The following CCDC170 variants were observed in gnomAD, a reference collection of about 807,000 sequenced individuals.
CCDC170 encodes coiled-coil domain containing 170, also known as coiled-coil domain-containing protein 170.
In CCDC170, 69 loss-of-function variants were observed where a neutral mutation model predicts 72.6. That is an observed-to-expected ratio of 0.95 (90% CI 0.78 to 1.16). The LOEUF (loss-of-function observed/expected upper bound fraction) is 1.16, where lower values mean the gene tolerates loss of function less well. Among genes scored for constraint, CCDC170 ranks in the 50% most tolerant of loss-of-function variants. The probability of loss-of-function intolerance (pLI) is 0.00; values close to 1 mark genes in which losing one functional copy is unlikely to be tolerated. For synonymous variants in CCDC170, 300 were observed against 303.9 expected (o/e 0.99, Z 0.13); for missense variants, 852 against 832.5 (o/e 1.02, Z -0.29).
chr6:151,554,717 C>G (rs1471890554), intron 5 of CCDC170, among the ~76,000 whole-genome samples: 2 of 151,726 alleles, frequency 1.3e-5, no homozygotes, highest in African/African-American at 4.8e-5. Context: ...AAGCTGGACT[C>G]TGTCTCAAAA....
At chr6:151,514,357 GAGGGAGGGAGGGAGGGAGGA>G (rs1782200311) in intron 1 of CCDC170, among the ~76,000 whole-genome samples, 4 of 114,824 alleles carry the variant, frequency 3.5e-5, no homozygotes, top group Non-Finnish European at 3.4e-5. Flanking sequence ...GGGAGGGAGG[GAGGGAGGGAGGGAGGGAGGA>G]AGGAAGGAAG....
intron 9 of CCDC170, among the ~76,000 whole-genome samples, chr6:151,599,440 C>T (rs1312721830): frequency 6.6e-6 from 1 of 152,150 alleles, no homozygotes; most frequent in Non-Finnish European, 1.5e-5. Flanking sequence ...GGATGAGTGA[C>T]AGTCAATGCA....
At chr6:151,542,100 G>A (rs1048097292) in intron 3 of CCDC170, among the ~76,000 whole-genome samples, 1 of 151,690 alleles carries the variant, frequency 6.6e-6, no homozygotes, top group Non-Finnish European at 1.5e-5. Flanking sequence ...GACTGGTCTC[G>A]AGCTCCTGAC....
Position 151,618,141 on chromosome 6 carries a change from T to G in CCDC170, c.2142T>G (p.Leu714=), listed in dbSNP as rs1055726682. 6.2e-7 allele frequency: 1 copy of G among 1,613,804 alleles called. No individual in the cohort carries two copies. The highest frequency in any genetic ancestry group is 1.7e-5 in the Admixed American group (1 of 60,022). ...ERHPQGHLQL[L]H ...ACCCACAAGGCCATTTACAGCTTCT[T>G]CATTGAACACTGTATCTCTTGAGAG... The change falls in exon 11 of 11, where the codon CTT becomes CTG. Residue 714 remains leucine, a synonymous_variant. Coordinates refer to ENST00000239374, the MANE Select transcript of CCDC170 (RefSeq NM_025059.4).
intron 1 of CCDC170, among the ~76,000 whole-genome samples, chr6:151,519,877 T>C (rs992781635): frequency 6.6e-6 from 1 of 152,224 alleles, no homozygotes; most frequent in South Asian, 2.1e-4. Context: ...TAGCATATAA[T>C]GAGCAGTGAG....
chr6:151,514,543 G>A (rs1782208038), intron 1 of CCDC170, among the ~76,000 whole-genome samples: 1 of 152,176 alleles, frequency 6.6e-6, no homozygotes, highest in Non-Finnish European at 1.5e-5. Flanking sequence ...AGCGATGAAA[G>A]CTCTGTGGCA....
chr6:151,511,659 T>C (rs1164120134), intron 1 of CCDC170, among the ~76,000 whole-genome samples: 1 of 152,210 alleles, frequency 6.6e-6, no homozygotes, highest in Non-Finnish European at 1.5e-5. Context: ...CCAGGCACTG[T>C]TGCAGACACA....
At chr6:151,597,437 T>A (rs143116329) in intron 9 of CCDC170, among the ~76,000 whole-genome samples, 94 of 152,310 alleles carry the variant, frequency 6.2e-4, no homozygotes, top group African/African-American at 2.2e-3. Context: ...CAAAAAGTGG[T>A]GATGTTTTAA....
Position 151,585,951 on chromosome 6 carries a change from G to T in CCDC170, c.1155G>T (p.Gly385=), listed in dbSNP as rs1562290998. Residue 385 remains glycine (G), a synonymous_variant, in exon 7 of 11, where the codon GGG becomes GGT. Coordinates refer to ENST00000239374, the MANE Select transcript of CCDC170 (RefSeq NM_025059.4). The part of the protein sequence containing the change: ...ELVEQLGKES[G]FHQKALQRAQ... Reference sequence around the variant, plus strand: ...TTGAACAGTTGGGAAAGGAGTCTGGGTTTCACCAGAAAGCTCTCCAGAGGG... The same window carrying T: ...TTGAACAGTTGGGAAAGGAGTCTGGTTTTCACCAGAAAGCTCTCCAGAGGG... 1 of 1,613,994 alleles carries T rather than the reference G, an allele frequency of 6.2e-7. No individual in the cohort carries two copies. The highest frequency in any genetic ancestry group is 1.7e-5 in the Admixed American group (1 of 60,008).
chr6:151,599,388 A>G (rs1407663740), intron 9 of CCDC170, among the ~76,000 whole-genome samples: 2 of 152,186 alleles, frequency 1.3e-5, no homozygotes, highest in African/African-American at 4.8e-5. Context: ...TTGGTACAAC[A>G]TTGCTTCTGA....
chr6:151,523,310 A>G (rs1261760338), intron 1 of CCDC170, among the ~76,000 whole-genome samples: 1 of 152,164 alleles, frequency 6.6e-6, no homozygotes, highest in African/African-American at 2.4e-5. Context: ...TTAGTGCATC[A>G]CAGAAGCTAT....
rs149112519 is a variant in CCDC170 at position 151,608,187 on chromosome 6, A to G, written c.1711-7256A>G. Among the ~76,000 whole-genome samples, 1,276 of 152,036 alleles carry G rather than the reference A, an allele frequency of 8.4e-3. 18 individuals carry two copies. Among genetic ancestry groups the G allele is most frequent in the Non-Finnish European group, 0.014 (927 of 67,934 alleles). On this transcript the variant is annotated intron_variant, in intron 9 of 10. Coordinates refer to ENST00000239374, the MANE Select transcript of CCDC170 (RefSeq NM_025059.4). ...ACTTAACCTTGGTTCTTTTTCTTAT[A>G]TTTATTTCTTTGCTGACTTTCTTAT...
intron 1 of CCDC170, among the ~76,000 whole-genome samples, chr6:151,532,622 A>G (rs9371532): frequency 6.6e-6 from 1 of 151,370 alleles, no homozygotes; most frequent in Admixed American, 6.6e-5. Context: ...AAAAAAAAAG[A>G]AAAAAAAAGA....
At chr6:151,589,511 A>G (rs2115109602) in intron 7 of CCDC170, among the ~76,000 whole-genome samples, 1 of 152,028 alleles carries the variant, frequency 6.6e-6, no homozygotes. Context: ...CCTCTTTTTA[A>G]TCAATTCCTA....
At chr6:151,611,144 C>A (rs577059667) in intron 9 of CCDC170, among the ~76,000 whole-genome samples, 1 of 151,976 alleles carries the variant, frequency 6.6e-6, no homozygotes, top group Admixed American at 6.6e-5. Context: ...GGAGTGGTGG[C>A]GTGCGCCTGC....
chr6:151,547,976 C>T (rs888373374), intron 4 of CCDC170, among the ~76,000 whole-genome samples: 2 of 152,236 alleles, frequency 1.3e-5, no homozygotes. Context: ...GGGCTGAAGG[C>T]AAGTCCCTTG....
intron 6 of CCDC170, among the ~76,000 whole-genome samples, chr6:151,581,203 A>C (rs1217458497): frequency 2.0e-5 from 3 of 152,214 alleles, no homozygotes; most frequent in Non-Finnish European, 4.4e-5. Context: ...ATTTCTCTGT[A>C]GCATGTGAGC....
At chr6:151,587,996 C>G (rs1046353362) in intron 7 of CCDC170, among the ~76,000 whole-genome samples, 1 of 152,010 alleles carries the variant, frequency 6.6e-6, no homozygotes, top group African/African-American at 2.4e-5. Flanking sequence ...GAAAAGAAGG[C>G]TCAGGAAATG....
rs1387353705 is a variant in CCDC170 at position 151,495,590 on chromosome 6, TG to T, written c.57+1408del. 8.5e-5 allele frequency among the ~76,000 whole-genome samples: 13 copies of T among 152,110 alleles called. No individual in the cohort carries two copies. In the East Asian group the frequency reaches 2.5e-3, roughly 30 times the overall value. ...CGGCTCGCCGCCGCCTTGACACCCCTGGGTTCAAACGATCCTCTCACCTCAG... is the reference window on the plus strand; with the variant it reads ...CGGCTCGCCGCCGCCTTGACACCCCTGGTTCAAACGATCCTCTCACCTCAG... On this transcript the variant is annotated intron_variant, in intron 1 of 10. Coordinates refer to ENST00000239374, the MANE Select transcript of CCDC170 (RefSeq NM_025059.4).
Sources: allele counts gnomAD v4.1 joint callset (sites outside exome capture counted in the v4.1 genomes callset), GRCh38; gene constraint gnomAD v4.1.1; transcripts MANE v1.5; gene names NCBI Gene and HGNC (gene_info 2026-07-23, HGNC 2026-07-21).